Variants in ETV6 observed in about 807,000 individuals in gnomAD.
The protein encoded by ETV6 is transcription factor ETV6.
ETV6 carries 16 observed loss-of-function variants against 51.1 expected under a neutral mutation model. The observed-to-expected ratio is 0.31, with a 90% CI of 0.21 to 0.48. The LOEUF is 0.48. Among genes scored for constraint, ETV6 ranks in the 20% least tolerant of loss-of-function variants. ETV6 has a pLI of 0.99. For synonymous variants in ETV6, 240 were observed against 224.1 expected, an observed-to-expected ratio of 1.07 and a Z score of -0.64; for missense variants, 458 against 594.8, an observed-to-expected ratio of 0.77 and a Z score of 2.39.
At chr12:11,746,793 T>C (rs1422820617) in intron 1 of ETV6, among the ~76,000 whole-genome samples, 6 of 5,142 alleles carry the variant, frequency 1.2e-3, no homozygotes, top group Non-Finnish European at 4.5e-3. Context: ...TCTCTCTCTT[T>C]TTTTTTTTTT....
chr12:11,679,137 T>C (rs948028616), intron 1 of ETV6, among the ~76,000 whole-genome samples: 1 of 152,228 alleles, frequency 6.6e-6, no homozygotes, highest in Admixed American at 6.5e-5. Context: ...CCTTAGTGTG[T>C]GTTTGTGTAA....
intron 2 of ETV6, among the ~76,000 whole-genome samples, chr12:11,784,862 A>AT (rs34004409): frequency 0.62 from 52,951 of 85,760 alleles, 17,433 homozygotes; most frequent in Non-Finnish European, 0.72. Context: ...TGCCTTGCTA[A>AT]TTTTTTTTTT....
At chr12:11,834,500 T>G (rs989097881) in intron 2 of ETV6, among the ~76,000 whole-genome samples, 1 of 152,198 alleles carries the variant, frequency 6.6e-6, no homozygotes, top group African/African-American at 2.4e-5. Context: ...TCTATTAAAC[T>G]GAAAAGAGAA....
At chr12:11,729,481 C>T (rs916979133) in intron 1 of ETV6, among the ~76,000 whole-genome samples, 2 of 152,072 alleles carry the variant, frequency 1.3e-5, no homozygotes, top group African/African-American at 2.4e-5. Flanking sequence ...GGACTCTCCC[C>T]GAATCTGAGA....
Position 11,679,758 on chromosome 12 carries a change from CAG to C in ETV6, c.33+29601_33+29602del, listed in dbSNP as rs563500185. ...TTTGTGTCTTTCATAGACCATGTAT[CAG>C]AGGTGGAGAAACAGCTTCTTAACTT... is the stretch of plus-strand genomic sequence containing the variant. On this transcript the variant is annotated intron_variant, in intron 1 of 7. Transcript: ENST00000396373. Among the ~76,000 whole-genome samples the C allele has an allele frequency of 1.1e-4, 16 of 152,294 alleles. No individual in the cohort carries two copies. The South Asian group carries it at 3.1e-3, about 30-fold the overall frequency.
intron 2 of ETV6, among the ~76,000 whole-genome samples, chr12:11,798,818 CTT>C (rs1945710885): frequency 6.6e-6 from 1 of 152,174 alleles, no homozygotes; most frequent in Admixed American, 6.5e-5. Flanking sequence ...TTTCAGATCT[CTT>C]GAGTCCATTT....
intron 1 of ETV6, among the ~76,000 whole-genome samples, chr12:11,679,683 G>A (rs796686361): frequency 9.2e-5 from 14 of 152,324 alleles, no homozygotes; most frequent in African/African-American, 3.4e-4. Flanking sequence ...TCCTCCCACA[G>A]GGAAATGGCA....
At chr12:11,791,848 A>G (rs1346979450) in intron 2 of ETV6, among the ~76,000 whole-genome samples, 2 of 152,106 alleles carry the variant, frequency 1.3e-5, no homozygotes, top group Admixed American at 1.3e-4. Flanking sequence ...CAACAGATTC[A>G]CCTGGTGGTC....
intron 4 of ETV6, among the ~76,000 whole-genome samples, chr12:11,858,124 A>G: frequency 6.6e-6 from 1 of 152,216 alleles, no homozygotes; most frequent in Admixed American, 6.5e-5. Context: ...CATCATAAAA[A>G]GCTCAGTTTA....
intron 1 of ETV6, among the ~76,000 whole-genome samples, chr12:11,707,447 C>T (rs1191628650): frequency 6.6e-6 from 1 of 152,176 alleles, no homozygotes; most frequent in Non-Finnish European, 1.5e-5. Context: ...GCGTTTCCAT[C>T]GATCCCTTTC....
chr12:11,740,035 T>C (rs1865781013), intron 1 of ETV6, among the ~76,000 whole-genome samples: 1 of 152,198 alleles, frequency 6.6e-6, no homozygotes, highest in Admixed American at 6.5e-5. Context: ...GAGGACAGCT[T>C]TACCTCTGTT....
intron 2 of ETV6, among the ~76,000 whole-genome samples, chr12:11,788,899 G>A (rs989615733): frequency 6.6e-6 from 1 of 151,362 alleles, no homozygotes; most frequent in African/African-American, 2.4e-5. Context: ...ACAATTTAGT[G>A]TTTACATATT....
chr12:11,766,156 C>T (rs1388059875), intron 2 of ETV6, among the ~76,000 whole-genome samples: 1 of 152,168 alleles, frequency 6.6e-6, no homozygotes, highest in Non-Finnish European at 1.5e-5. Context: ...CCAGCAGCAG[C>T]AGAAAGCCAA....
At chr12:11,756,180 G>C (rs1945004443) in intron 2 of ETV6, among the ~76,000 whole-genome samples, 1 of 152,112 alleles carries the variant, frequency 6.6e-6, no homozygotes, top group South Asian at 2.1e-4. Flanking sequence ...GATTAGAGAG[G>C]ACTTGAAAAG....
At chr12:11,724,653 AGAGTT>A (rs1348723321) in intron 1 of ETV6, among the ~76,000 whole-genome samples, 2 of 152,220 alleles carry the variant, frequency 1.3e-5, no homozygotes, top group African/African-American at 4.8e-5. Flanking sequence ...ACAAGAATAA[AGAGTT>A]GAGGGGAGTG....
At chr12:11,689,812 C>G (rs1395040702) in intron 1 of ETV6, among the ~76,000 whole-genome samples, 3 of 84,618 alleles carry the variant, frequency 3.5e-5, no homozygotes, top group Admixed American at 1.4e-4. Context: ...TTTTCCCTCC[C>G]CCCCCCCCCC....
At chr12:11,886,118 C>A in intron 7 of ETV6, 92 bp downstream of exon 7, 1 of 887,250 alleles carries the variant, frequency 1.1e-6, no homozygotes, top group Non-Finnish European at 1.9e-6. Flanking sequence ...AGATCTCTAC[C>A]TGCCTATCGG....
intron 4 of ETV6, among the ~76,000 whole-genome samples, chr12:11,857,578 C>A (rs2136503321): frequency 6.6e-6 from 1 of 152,152 alleles, no homozygotes; most frequent in Non-Finnish European, 1.5e-5. Context: ...TCACCCATAC[C>A]AACACACTTA....
chr12:11,799,725 C>T (rs1945720906), intron 2 of ETV6, among the ~76,000 whole-genome samples: 2 of 152,154 alleles, frequency 1.3e-5, no homozygotes, highest in Non-Finnish European at 2.9e-5. Context: ...CTGGGCACGT[C>T]TACTTTGCAT....
Sources: allele counts gnomAD v4.1 joint callset (sites outside exome capture counted in the v4.1 genomes callset), GRCh38; gene constraint gnomAD v4.1.1; transcripts MANE v1.5; gene names NCBI Gene and HGNC (gene_info 2026-07-23, HGNC 2026-07-21).